WIPI2: variants seen among roughly 807,000 people sequenced by gnomAD.
WIPI2 encodes WD repeat domain phosphoinositide-interacting protein 2.
In WIPI2, 28 loss-of-function variants were observed where a neutral mutation model predicts 52.3. The ratio of observed to expected loss-of-function variants is 0.54; its 90% confidence interval spans 0.40 to 0.73. The LOEUF is 0.73. WIPI2 is among the 30% of genes least tolerant of loss of function. WIPI2 has a pLI of 0.00. For missense variants in WIPI2, 506 were observed against 602.9 expected, an observed-to-expected ratio of 0.84 and a Z score of 1.68; for synonymous variants, 268 against 245.0, an observed-to-expected ratio of 1.09 and a Z score of -0.88.
chr7:5,190,804 T>C, intron 1 of WIPI2: 1 of 249,914 alleles, frequency 4.0e-6, no homozygotes, highest in Non-Finnish European at 7.6e-6. Context: ...GGGGCCGAAC[T>C]TTGGGGCTTG....
Position 5,230,877 on chromosome 7 carries a change from A to C in WIPI2, c.1295A>C (p.Glu432Ala). The change falls in exon 13 of 13, where the codon GAG (glutamate) becomes GCG (alanine). Residue 432 changes from glutamate to alanine, a missense_variant. Glu to Ala is a moderately radical substitution (Grantham distance 107). This residue lies in a region of WIPI2 where 194 missense variants were observed against 175.1 expected (regional missense o/e 1.11). Coordinates refer to ENST00000288828, the MANE Select transcript of WIPI2 (RefSeq NM_015610.4). This position sits in a 1 kb window ranked among gnomAD's most constrained non-coding sequence, Gnocchi z 4.8. Reference sequence around the variant, plus strand: ...GGTGCTGTGGGTGGCGCCTGCCTGGAGGACGAGGCCAGCGCCCTGCGCCTG... The same window carrying C: ...GGTGCTGTGGGTGGCGCCTGCCTGGCGGACGAGGCCAGCGCCCTGCGCCTG... The part of the protein sequence containing the change: ...DLGAVGGACL[E>A]DEASALRLDE... 1 of 1,613,844 alleles carries C rather than the reference A, an allele frequency of 6.2e-7. No homozygotes were observed. The highest frequency in any genetic ancestry group is 8.5e-7 in the Non-Finnish European group (1 of 1,179,890).
chr7:5,217,681 T>G, intron 6 of WIPI2: 3 of 518,460 alleles, frequency 5.8e-6, no homozygotes, highest in Non-Finnish European at 1.1e-5. Context: ...GCTGAGCTCC[T>G]CGCCACGGGA....
At chr7:5,228,056 G>GT (rs1562409463) in intron 10 of WIPI2, 48 bp from the exon 11 acceptor site, 1 of 1,587,822 alleles carries the variant, frequency 6.3e-7, no homozygotes, top group South Asian at 1.1e-5. Flanking sequence ...TAGTAAGACC[G>GT]TTTCTGTGAC....
At chr7:5,217,455 C>G in intron 6 of WIPI2, 1 of 451,698 alleles carries the variant, frequency 2.2e-6, no homozygotes, top group South Asian at 2.2e-5. Context: ...TGCAACACCA[C>G]ACCCAGCTAA....
chr7:5,214,417 C>A (rs771227285), intron 3 of WIPI2, 118 bp from the exon 4 acceptor site: 12 of 1,610,474 alleles, frequency 7.5e-6, no homozygotes, highest in African/African-American at 1.3e-5. Context: ...TCCGCAGGCA[C>A]CCTCAGCGCT....
At chr7:5,206,102 G>C (rs1047904285) in intron 3 of WIPI2, among the ~76,000 whole-genome samples, 6 of 151,724 alleles carry the variant, frequency 4.0e-5, no homozygotes, top group African/African-American at 1.5e-4. Context: ...TTTTTCTAAG[G>C]CTTCTAAATA....
At chr7:5,207,947 G>A (rs1341319206) in intron 3 of WIPI2, among the ~76,000 whole-genome samples, 2 of 151,904 alleles carry the variant, frequency 1.3e-5, no homozygotes, top group East Asian at 3.9e-4. Flanking sequence ...TGTATTTTTG[G>A]TAGAGACGGG....
intron 3 of WIPI2, among the ~76,000 whole-genome samples, chr7:5,210,017 C>T (rs1486353122): frequency 1.3e-5 from 2 of 152,140 alleles, no homozygotes; most frequent in African/African-American, 4.8e-5. Context: ...AACTGATGCT[C>T]CTGCCTCAGC....
At chr7:5,197,491 T>TA (rs1781808929) in intron 2 of WIPI2, among the ~76,000 whole-genome samples, 1 of 152,200 alleles carries the variant, frequency 6.6e-6, no homozygotes, top group South Asian at 2.1e-4. Flanking sequence ...ATTTCATTGA[T>TA]ACAACAATTG....
In WIPI2 at chr7:5,230,354, G is replaced by A. The variant is rs1284700791; in HGVS notation, c.1253-481G>A. ...TAAGACCCATGCATGAGATCCTCCA[G>A]CCACAGCCTTGGCTATGTGAGCCAC... On this transcript the variant is annotated intron_variant, in intron 12 of 12. Transcript: ENST00000288828. The surrounding 1 kb of genome is among the most constrained non-coding windows in gnomAD (Gnocchi z 4.8). 2.0e-5 allele frequency among the ~76,000 whole-genome samples: 3 copies of A among 152,202 alleles called. No individual in the cohort carries two copies. Among genetic ancestry groups the A allele is most frequent in the East Asian group, 1.9e-4 (1 of 5,192 alleles).
At chr7:5,199,747 G>A in intron 3 of WIPI2, 89 bp downstream of exon 3, 1 of 1,320,452 alleles carries the variant, frequency 7.6e-7, no homozygotes. Flanking sequence ...CAGACGCTGT[G>A]GTTGAAGTCC....
At position 5,211,721 on chromosome 7, in the gene WIPI2, G is replaced by C. The variant is rs940432690; in HGVS notation, c.212-2814G>C. Among the ~76,000 whole-genome samples, 7 of 152,280 alleles carry C rather than the reference G, an allele frequency of 4.6e-5. No homozygotes were observed. In the South Asian group the frequency reaches 6.2e-4, roughly 14 times the overall value. On this transcript the variant is annotated intron_variant, in intron 3 of 12. Coordinates refer to ENST00000288828, the MANE Select transcript of WIPI2 (RefSeq NM_015610.4). ...AAAAAACCAGTTTTGTGTATACCAG[G>C]TTTTCCTATGTGTCCCAACCCTGAA...
chr7:5,204,696 G>GT (rs533063392), intron 3 of WIPI2, among the ~76,000 whole-genome samples: 5,568 of 147,932 alleles, frequency 0.038, 127 homozygotes, highest in Middle Eastern at 0.1. Flanking sequence ...CTACTACTGC[G>GT]TTTTTTTTTT....
At chr7:5,197,280 T>A (rs1781802398) in intron 2 of WIPI2, among the ~76,000 whole-genome samples, 1 of 152,130 alleles carries the variant, frequency 6.6e-6, no homozygotes, top group Admixed American at 6.6e-5. Context: ...CAATTTGTTT[T>A]TTTAATCAGA....
chr7:5,227,370 C>T lies in WIPI2; in HGVS notation c.1013+26C>T. 6.2e-7 allele frequency: 1 copy of T among 1,607,692 alleles called. No individual in the cohort carries two copies. The highest frequency in any genetic ancestry group is 8.5e-7 in the Non-Finnish European group (1 of 1,178,710). ...GTGAGTAGAGCCGGCGCCTCCGTCC[C>T]CCACCCCGTGTGCCTCAGGCCGAGG... On this transcript the variant is annotated intron_variant, in intron 10 of 12. Transcript: ENST00000288828. The surrounding 1 kb of genome is among the most constrained non-coding windows in gnomAD (Gnocchi z 8.1).
intron 7 of WIPI2, among the ~76,000 whole-genome samples, chr7:5,222,099 G>A (rs945605157): frequency 5.9e-5 from 9 of 151,920 alleles, no homozygotes; most frequent in Admixed American, 4.6e-4. Flanking sequence ...ACAGGCATGC[G>A]CCACCACACC....
chr7:5,211,455 A>G (rs911729995), intron 3 of WIPI2, among the ~76,000 whole-genome samples: 5 of 152,138 alleles, frequency 3.3e-5, no homozygotes, highest in Non-Finnish European at 5.9e-5. Flanking sequence ...CTGGGCAACA[A>G]AAGCAAAACT....
chr7:5,204,389 C>A (rs1254427843), intron 3 of WIPI2, among the ~76,000 whole-genome samples: 1 of 152,230 alleles, frequency 6.6e-6, no homozygotes, highest in South Asian at 2.1e-4. Flanking sequence ...ATCACTTGGA[C>A]CCGGGAGTCA....
At chr7:5,229,923 C>T (rs967075165) in intron 12 of WIPI2, among the ~76,000 whole-genome samples, 185 bp downstream of exon 12, 9 of 143,208 alleles carry the variant, frequency 6.3e-5, no homozygotes, top group Non-Finnish European at 1.2e-4. Flanking sequence ...AATTCAGTTT[C>T]GTTTCCTTTT....
Sources: gnomAD v4.1 joint callset for allele counts (sites outside exome capture counted in the v4.1 genomes callset) on GRCh38, gnomAD v4.1.1 for gene constraint, gnomAD v4.1.1 regional missense constraint, Gnocchi (gnomAD v3.1) non-coding constraint, MANE v1.5 for transcripts, NCBI Gene and HGNC (gene_info 2026-07-23, HGNC 2026-07-21) for gene names.